The following MTCP1 variants were observed in gnomAD, a reference collection of about 807,000 sequenced individuals.
MTCP1 encodes mature T cell proliferation 1, also known as protein p13 MTCP-1.
In MTCP1, 2 loss-of-function variants were observed where a neutral mutation model predicts 10.6. The ratio of observed to expected loss-of-function variants is 0.19; its 90% CI spans 0.08 to 0.59. The LOEUF (loss-of-function observed/expected upper bound fraction) is 0.59. Ranked by LOEUF, MTCP1 falls within the 20% of genes least tolerant of loss-of-function variation. The pLI is 0.90. For missense variants in MTCP1, 33 were observed against 91.5 expected (o/e 0.36, Z 2.61); for synonymous variants, 29 against 34.4 (o/e 0.84, Z 0.55).
chrX:155,066,982 G>A (rs1162910926), intron 1 of MTCP1, among the ~76,000 whole-genome samples: 1 of 112,111 alleles, frequency 8.9e-6, no homozygotes, highest in Non-Finnish European at 1.9e-5. Context: ...ATAACTTGAT[G>A]TGCATTTTGC....
chrX:155,066,548 T>C (rs782782959), intron 1 of MTCP1, among the ~76,000 whole-genome samples: 1 of 112,708 alleles, frequency 8.9e-6, no homozygotes, highest in East Asian at 2.8e-4. Context: ...TATGCATGTC[T>C]TTCAGAGTTG....
At position 155,065,713 on chromosome X, in the gene MTCP1, A is replaced by G. The variant is rs915406512; in HGVS notation, c.182T>C (p.Leu61Pro). Residue 61 changes from leucine (L) to proline (P), a missense_variant, in exon 3 of 5, where the codon CTT (leucine) becomes CCT (proline). By Grantham distance (98) the Leu-to-Pro change is moderately conservative. Coordinates refer to ENST00000369476, the MANE Select transcript of MTCP1 (RefSeq NM_001018025.4). ...CCACATGAGAGGTAGCTGGGAGGTA[A>G]GAAGGTGACTTGGCCTAGCTGCGTC... ...LGDAARPSHL[L>P]TSQLPLMWQL... The G allele has an allele frequency of 6.6e-6, 8 of 1,209,645 alleles. No homozygotes were observed. Among genetic ancestry groups the G allele is most frequent in the Non-Finnish European group, 8.9e-6 (8 of 894,922 alleles).
intron 1 of MTCP1, among the ~76,000 whole-genome samples, chrX:155,069,054 CA>C (rs1164704543): frequency 8.9e-6 from 1 of 112,588 alleles, no homozygotes; most frequent in Non-Finnish European, 1.9e-5. Flanking sequence ...CCAAGACAGA[CA>C]ATTTCTTAGT....
intron 1 of MTCP1, among the ~76,000 whole-genome samples, chrX:155,067,663 C>T (rs782054551): frequency 2.7e-5 from 3 of 112,464 alleles, no homozygotes; most frequent in East Asian, 5.5e-4. Flanking sequence ...AACAAAGTCA[C>T]CTTACACATT....
In MTCP1 at chrX:155,064,084, A is replaced by G; in HGVS notation, c.*1320T>C. 2 of 1,017,261 alleles carry G rather than the reference A, an allele frequency of 2.0e-6. No homozygotes were observed. The highest frequency in any genetic ancestry group is 2.7e-6 in the Non-Finnish European group (2 of 744,783). The allele number at this position is 1,017,261 out of a possible 1,213,427, so 83.8% of individuals were successfully genotyped here. A position where few individuals can be genotyped will look rare whatever the true frequency, so the allele number is the denominator to read the frequency against. ...TTTTCTTTTTTCCATAAAGACTTTA[A>G]AGCCCCTCTACGTGGAATTTTCTTC... On this transcript the variant is annotated 3_prime_UTR_variant, in exon 5 of 5. Coordinates refer to ENST00000369476, the MANE Select transcript of MTCP1 (RefSeq NM_001018025.4).
At chrX:155,069,455 T>C (rs1241164974) in intron 1 of MTCP1, among the ~76,000 whole-genome samples, 1 of 112,309 alleles carries the variant, frequency 8.9e-6, no homozygotes, top group Non-Finnish European at 1.9e-5. Context: ...TGATAGTCTT[T>C]ATTTAGCATT....
chrX:155,070,409 T>A (rs931063830), intron 1 of MTCP1, among the ~76,000 whole-genome samples: 14 of 112,208 alleles, frequency 1.2e-4, no homozygotes, highest in African/African-American at 3.9e-4. Context: ...GGAAGATCTG[T>A]ACTTTTATCC....
chrX:155,065,301 TC>T lies in MTCP1; in HGVS notation c.*102del, dbSNP rs1177253841. The T allele has an allele frequency of 9.0e-6, 4 of 444,863 alleles. No homozygotes were observed. Among genetic ancestry groups the T allele is most frequent in the Non-Finnish European group, 1.2e-5 (3 of 255,370 alleles). The allele number at this position is 444,863 out of a possible 1,213,427, so 36.7% of individuals were successfully genotyped here. A position where few individuals can be genotyped will look rare whatever the true frequency, so the allele number is the denominator to read the frequency against. ...TTGAGCAGTTTTTCAACCCACTCCC[TC>T]CCCCCAGGCCCAAGGGTGGGTGCAC... is the stretch of plus-strand genomic sequence containing the variant. On this transcript the variant is annotated 3_prime_UTR_variant, in exon 5 of 5. Coordinates refer to ENST00000369476, the MANE Select transcript of MTCP1 (RefSeq NM_001018025.4).
chrX:155,067,675 G>T, intron 1 of MTCP1, among the ~76,000 whole-genome samples: 1 of 112,347 alleles, frequency 8.9e-6, no homozygotes, highest in Non-Finnish European at 1.9e-5. Flanking sequence ...TTACACATTT[G>T]CTTTGCTTAT....
chrX:155,066,932 T>G (rs1227948961), intron 1 of MTCP1, among the ~76,000 whole-genome samples: 1 of 112,003 alleles, frequency 8.9e-6, no homozygotes, highest in Non-Finnish European at 1.9e-5. Flanking sequence ...TCTATAACGA[T>G]CCTCTGCCCA....
At chrX:155,069,627 G>A (rs1557292282) in intron 1 of MTCP1, among the ~76,000 whole-genome samples, 1 of 111,871 alleles carries the variant, frequency 8.9e-6, no homozygotes, top group African/African-American at 3.3e-5. Flanking sequence ...AAGTTGTTGA[G>A]CTTGACTCCA....
At position 155,066,915 on chromosome X, in the gene MTCP1, G is replaced by C. The variant is rs2073950255; in HGVS notation, c.-47-858C>G. Among the ~76,000 whole-genome samples, 2 of 111,992 alleles carry C rather than the reference G, an allele frequency of 1.8e-5. 1 individual carries two copies. The highest frequency in any genetic ancestry group is 1.9e-4 in the Admixed American group (2 of 10,577). ...ACCTCCCAAAGCATTTGAGTGGTAG[G>C]GCAAACTCTATAACGATCCTCTGCC... On this transcript the variant is annotated intron_variant, in intron 1 of 4. Transcript: ENST00000369476.
In MTCP1 at chrX:155,064,090, C is replaced by A; in HGVS notation, c.*1314G>T. The A allele has an allele frequency of 1.0e-6, 1 of 981,177 alleles. No individual in the cohort carries two copies. The highest frequency in any genetic ancestry group is 1.4e-6 in the Non-Finnish European group (1 of 715,998). 80.9% of individuals were successfully genotyped at this position (981,177 alleles called of 1,213,427 possible). A position where few individuals can be genotyped will look rare whatever the true frequency, so the allele number is the denominator to read the frequency against. The stretch of plus-strand genomic sequence containing the variant: ...TTTTTCCATAAAGACTTTAAAGCCC[C>A]TCTACGTGGAATTTTCTTCTGAGAC... On this transcript the variant is annotated 3_prime_UTR_variant, in exon 5 of 5. Transcript: ENST00000369476.
chrX:155,065,464 G>A (rs2073944708), intron 4 of MTCP1, 22 bp downstream of exon 4: 2 of 1,193,856 alleles, frequency 1.7e-6, no homozygotes, highest in Non-Finnish European at 2.3e-6. Context: ...GGGGAGGACA[G>A]AGGAGAAATA....
At position 155,064,703 on chromosome X, in the gene MTCP1, A is replaced by T. The variant is rs911609993; in HGVS notation, c.*701T>A. 8.9e-6 allele frequency: 1 copy of T among 112,395 alleles called. No homozygotes were observed. The highest frequency in any genetic ancestry group is 3.2e-5 in the African/African-American group (1 of 30,865). 9.3% of individuals were successfully genotyped at this position (112,395 alleles called of 1,213,427 possible). A position where few individuals can be genotyped will look rare whatever the true frequency, so the allele number is the denominator to read the frequency against. ...TGGTTTTTCTTGAAGTTCTTATAGA[A>T]ACCAGCTTATTTAAAATATCTGTAA... On this transcript the variant is annotated 3_prime_UTR_variant, in exon 5 of 5. Coordinates refer to ENST00000369476, the MANE Select transcript of MTCP1 (RefSeq NM_001018025.4).
Position 155,067,332 on chromosome X carries a change from G to A in MTCP1, c.-47-1275C>T, listed in dbSNP as rs181260616. The stretch of plus-strand genomic sequence containing the variant: ...AACCAAATCCTGATTTCTCTCAATG[G>A]CAACACCACCATTCCTGATCCTGCA... On this transcript the variant is annotated intron_variant, in intron 1 of 4. Coordinates refer to ENST00000369476, the MANE Select transcript of MTCP1 (RefSeq NM_001018025.4). Among the ~76,000 whole-genome samples, 27 of 111,658 alleles carry A rather than the reference G, an allele frequency of 2.4e-4. No individual in the cohort carries two copies. The Admixed American group carries it at 2.5e-3, about 10-fold the overall frequency.
At chrX:155,067,465 A>G (rs2073953167) in intron 1 of MTCP1, among the ~76,000 whole-genome samples, 1 of 111,569 alleles carries the variant, frequency 9.0e-6, no homozygotes, top group Non-Finnish European at 1.9e-5. Flanking sequence ...AGTTGAGACC[A>G]ACTTTCCCCA....
rs1311508573 is a variant in MTCP1 at position 155,065,365 on chromosome X, G to T, written c.*39C>A. ...TGAAGTGATTGCCAAATACTGAACA[G>T]AACAAAGGAGCATATCTTCGTAGAA... On this transcript the variant is annotated 3_prime_UTR_variant, in exon 5 of 5. Coordinates refer to ENST00000369476, the MANE Select transcript of MTCP1 (RefSeq NM_001018025.4). 9.1e-6 allele frequency: 6 copies of T among 659,863 alleles called. No homozygotes were observed. Among genetic ancestry groups the T allele is most frequent in the Non-Finnish European group, 1.4e-5 (6 of 418,444 alleles). 54.4% of individuals were successfully genotyped at this position (659,863 alleles called of 1,213,427 possible).
chrX:155,065,550 GAA>G lies in MTCP1; in HGVS notation c.277-15_277-14del. The G allele has an allele frequency of 8.3e-7, 1 of 1,211,196 alleles. No homozygotes were observed. The highest frequency in any genetic ancestry group is 1.1e-6 in the Non-Finnish European group (1 of 894,824). On this transcript the variant is annotated splice_polypyrimidine_tract_variant and intron_variant, in intron 3 of 4. Transcript: ENST00000369476. ...GTACTCCCCTGACCTGTCAGAAAAA[GAA>G]AAGTTTATGGAGTACTCTGTTACGA...
Sources: gnomAD v4.1 joint callset for allele counts (sites outside exome capture counted in the v4.1 genomes callset) on GRCh38, gnomAD v4.1.1 for gene constraint, MANE v1.5 for transcripts, NCBI Gene and HGNC (gene_info 2026-07-23, HGNC 2026-07-21) for gene names.